LRRC4C: variants seen among roughly 807,000 people sequenced by gnomAD.
LRRC4C encodes the protein leucine-rich repeat-containing protein 4C.
In LRRC4C, 5 loss-of-function variants were observed where a neutral mutation model predicts 33.6. The observed-to-expected ratio is 0.15, with a 90% CI of 0.08 to 0.31. The LOEUF is 0.31. Among genes scored for constraint, LRRC4C ranks in the 10% least tolerant of loss-of-function variants. LRRC4C has a pLI of 1.00. For missense variants in LRRC4C, 560 were observed against 796.7 expected (o/e 0.70, Z 3.58); for synonymous variants, 329 against 302.0 (o/e 1.09, Z -0.93).
intron 3 of LRRC4C, among the ~76,000 whole-genome samples, chr11:40,493,136 A>G (rs1451587159): frequency 6.6e-6 from 1 of 151,786 alleles, no homozygotes; most frequent in Non-Finnish European, 1.5e-5. Context: ...AGAAATAGAG[A>G]TAGCTAAATT....
At chr11:40,561,959 G>A (rs1301403438) in intron 3 of LRRC4C, among the ~76,000 whole-genome samples, 1 of 152,164 alleles carries the variant, frequency 6.6e-6, no homozygotes, top group East Asian at 1.9e-4. Flanking sequence ...TGAGGCAGCA[G>A]ACATGTTTAC....
At chr11:41,135,245 G>A (rs1449006551) in intron 1 of LRRC4C, among the ~76,000 whole-genome samples, 1 of 152,012 alleles carries the variant, frequency 6.6e-6, no homozygotes, top group Non-Finnish European at 1.5e-5. Context: ...TTCCATTTCT[G>A]CCTAGACAAG....
rs1024093293 is a variant in LRRC4C at position 40,163,246 on chromosome 11, T to C, written c.-95-22393A>G. On this transcript the variant is annotated intron_variant, in intron 5 of 6. Transcript: ENST00000528697. ...TTTCTGATAAATTTTCAATCAAATT[T>C]TTAATACAGCCCAGAGAGAAAGATA... Among the ~76,000 whole-genome samples, 4 of 152,238 alleles carry C rather than the reference T, an allele frequency of 2.6e-5. No homozygotes were observed. The East Asian group carries it at 7.7e-4, about 29-fold the overall frequency.
chr11:40,591,023 G>T (rs950253498), intron 3 of LRRC4C, among the ~76,000 whole-genome samples: 4 of 152,138 alleles, frequency 2.6e-5, no homozygotes, highest in Non-Finnish European at 4.4e-5. Flanking sequence ...GAGCTTCCTG[G>T]CTGCTTTGTT....
intron 2 of LRRC4C, among the ~76,000 whole-genome samples, chr11:40,917,350 A>G (rs1018460119): frequency 7.9e-5 from 12 of 152,108 alleles, no homozygotes; most frequent in African/African-American, 2.9e-4. Flanking sequence ...AGAGCTTTTC[A>G]ATTTGTGAAT....
chr11:40,985,383 C>A (rs956919641), intron 1 of LRRC4C, among the ~76,000 whole-genome samples: 5 of 151,590 alleles, frequency 3.3e-5, no homozygotes, highest in Non-Finnish European at 5.9e-5. Flanking sequence ...GGAAAAGTAC[C>A]TTATCATAAC....
intron 2 of LRRC4C, among the ~76,000 whole-genome samples, chr11:40,791,940 C>T (rs1418244072): frequency 6.6e-6 from 1 of 152,006 alleles, no homozygotes; most frequent in Non-Finnish European, 1.5e-5. Flanking sequence ...AAGGCTCTGG[C>T]TTCTTTTCCT....
intron 1 of LRRC4C, among the ~76,000 whole-genome samples, chr11:41,372,207 T>C (rs1404059123): frequency 6.6e-6 from 1 of 152,206 alleles, no homozygotes; most frequent in African/African-American, 2.4e-5. Flanking sequence ...TGTGACAGGT[T>C]GAATGTGGCT....
intron 3 of LRRC4C, among the ~76,000 whole-genome samples, chr11:40,402,188 T>C (rs550866137): frequency 1.3e-5 from 2 of 152,262 alleles, no homozygotes; most frequent in East Asian, 1.9e-4. Context: ...AGTGTCAAAC[T>C]GGATTTCATT....
chr11:41,232,747 G>GAC (rs34632647), intron 1 of LRRC4C, among the ~76,000 whole-genome samples: 49,560 of 143,404 alleles, frequency 0.35, 8,929 homozygotes, highest in Non-Finnish European at 0.42. Context: ...GTGTTATCAA[G>GAC]ACACACACAC....
chr11:40,988,393 G>A (rs926069730), intron 1 of LRRC4C, among the ~76,000 whole-genome samples: 1 of 152,084 alleles, frequency 6.6e-6, no homozygotes, highest in Non-Finnish European at 1.5e-5. Flanking sequence ...GCCAGAAATG[G>A]AACTCCTATG....
chr11:40,236,052 A>G (rs1369207165), intron 5 of LRRC4C, among the ~76,000 whole-genome samples: 1 of 152,066 alleles, frequency 6.6e-6, no homozygotes, highest in Non-Finnish European at 1.5e-5. Context: ...TCATTCTGCC[A>G]GTCACGGCTC....
intron 2 of LRRC4C, among the ~76,000 whole-genome samples, chr11:40,859,288 C>T (rs1953958224): frequency 6.6e-6 from 1 of 151,900 alleles, no homozygotes; most frequent in African/African-American, 2.4e-5. Context: ...TGTATACTTT[C>T]AGTTTTCTGA....
intron 1 of LRRC4C, among the ~76,000 whole-genome samples, chr11:40,952,888 ACACACACACTCT>A (rs764069907): frequency 0.034 from 1,888 of 54,908 alleles, 17 homozygotes; most frequent in South Asian, 0.098. Flanking sequence ...ACACACACAC[ACACACACACTCT>A]CTCTCTCTCT....
intron 1 of LRRC4C, among the ~76,000 whole-genome samples, chr11:40,959,996 G>T (rs1227885367): frequency 6.6e-6 from 1 of 151,506 alleles, no homozygotes; most frequent in East Asian, 1.9e-4. Context: ...ATTAACAATG[G>T]CTGGAGCAGA....
chr11:40,480,956 A>C (rs1185737828), intron 3 of LRRC4C, among the ~76,000 whole-genome samples: 1 of 151,944 alleles, frequency 6.6e-6, no homozygotes, highest in Non-Finnish European at 1.5e-5. Context: ...GGTTGTTTAA[A>C]GGGTCTATAT....
intron 2 of LRRC4C, among the ~76,000 whole-genome samples, chr11:40,841,631 T>C (rs1240477907): frequency 6.6e-6 from 1 of 152,230 alleles, no homozygotes; most frequent in Non-Finnish European, 1.5e-5. Flanking sequence ...GTCACTGTGA[T>C]TATGGACTTC....
intron 3 of LRRC4C, among the ~76,000 whole-genome samples, chr11:40,499,101 T>A (rs543068544): frequency 1.3e-5 from 2 of 152,260 alleles, no homozygotes; most frequent in Non-Finnish European, 2.9e-5. Context: ...CTGAAGAAAC[T>A]ATTTTAAGTG....
chr11:40,635,899 A>G (rs1963919392), intron 3 of LRRC4C, among the ~76,000 whole-genome samples: 1 of 152,042 alleles, frequency 6.6e-6, no homozygotes, highest in Admixed American at 6.5e-5. Context: ...TCGGCCTCCC[A>G]AAGTGCTGGG....
Sources: allele counts gnomAD v4.1 joint callset (sites outside exome capture counted in the v4.1 genomes callset), GRCh38; gene constraint gnomAD v4.1.1; transcripts MANE v1.5; gene names NCBI Gene and HGNC (gene_info 2026-07-23, HGNC 2026-07-21).